Variants in SGCZ observed in about 807,000 individuals in gnomAD.
The protein encoded by SGCZ is zeta-sarcoglycan.
Under a neutral mutation model 41.3 loss-of-function variants are expected in SGCZ, and 40 were observed. That is an observed-to-expected ratio of 0.97 (90% CI 0.75 to 1.26). The LOEUF (loss-of-function observed/expected upper bound fraction) is 1.26, where lower values mean the gene tolerates loss of function less well. Ranked by LOEUF, SGCZ falls within the 50% of genes most tolerant of loss-of-function variation. The pLI is 0.00. For synonymous variants in SGCZ, 206 were observed against 137.5 expected, an observed-to-expected ratio of 1.50 and a Z score of -3.49; for missense variants, 552 against 369.8, an observed-to-expected ratio of 1.49 and a Z score of -4.04.
rs556093312 is a variant in SGCZ at position 14,357,603 on chromosome 8, A to T, written c.235-33399T>A. Among the ~76,000 whole-genome samples, 135 of 152,322 alleles carry T rather than the reference A, an allele frequency of 8.9e-4. 1 individual carries two copies. Among genetic ancestry groups the T allele is most frequent in the African/African-American group, 3.0e-3 (125 of 41,578 alleles). On this transcript the variant is annotated intron_variant, in intron 2 of 7. Transcript: ENST00000382080. Reference sequence around the variant, plus strand: ...CTCGCTACCTCCACGTAATAATAACAACTACTTAACATCAACTTTCCCTGG... The same window carrying T: ...CTCGCTACCTCCACGTAATAATAACTACTACTTAACATCAACTTTCCCTGG...
rs1415062452 is a variant in SGCZ, at chr8:14,088,108, A to C, written c.*2335T>G. ...ATCTTTTCTCCTCTTATGACATATA[A>C]TTTAAAATTTCATTTTTCTCTTTTG... On this transcript the variant is annotated 3_prime_UTR_variant, in exon 8 of 8. Coordinates refer to ENST00000382080, the MANE Select transcript of SGCZ (RefSeq NM_139167.4). 6.6e-6 allele frequency among the ~76,000 whole-genome samples: 1 copy of C among 151,570 alleles called. No individual in the cohort carries two copies. The highest frequency in any genetic ancestry group is 1.9e-4 in the East Asian group (1 of 5,152).
At chr8:14,734,981 G>A (rs1342558060) in intron 1 of SGCZ, among the ~76,000 whole-genome samples, 1 of 152,024 alleles carries the variant, frequency 6.6e-6, no homozygotes, top group African/African-American at 2.4e-5. Context: ...TCTATGTAGT[G>A]GAGTCTCAAC....
At chr8:14,331,570 C>A (rs1311418775) in intron 2 of SGCZ, among the ~76,000 whole-genome samples, 1 of 152,028 alleles carries the variant, frequency 6.6e-6, no homozygotes, top group Non-Finnish European at 1.5e-5. Context: ...ATAGTGGTAA[C>A]AATTGACAGA....
At chr8:14,237,782 T>C (rs1806822857) in intron 3 of SGCZ, 103 bp from the exon 4 acceptor site, 1 of 1,069,284 alleles carries the variant, frequency 9.4e-7, no homozygotes, top group African/African-American at 1.6e-5. Context: ...ATTTAATTTG[T>C]TTGCTCTATA....
intron 1 of SGCZ, among the ~76,000 whole-genome samples, chr8:15,005,567 GT>G (rs11324065): frequency 0.51 from 76,632 of 151,204 alleles, 19,658 homozygotes; most frequent in South Asian, 0.59. Context: ...CTGACCTCAG[GT>G]TGTTCCGCCC....
At chr8:14,821,860 G>T (rs769963602) in intron 1 of SGCZ, among the ~76,000 whole-genome samples, 1 of 151,988 alleles carries the variant, frequency 6.6e-6, no homozygotes, top group African/African-American at 2.4e-5. Flanking sequence ...CTATCATACC[G>T]AATGGGGAAA....
intron 2 of SGCZ, among the ~76,000 whole-genome samples, chr8:14,478,398 T>C (rs1330861124): frequency 1.3e-5 from 2 of 152,228 alleles, no homozygotes; most frequent in African/African-American, 4.8e-5. Context: ...AGGAATCTCA[T>C]ATACGTGTTT....
chr8:15,222,027 T>G lies in SGCZ; in HGVS notation c.39+15558A>C, dbSNP rs143298370. 4.6e-5 allele frequency among the ~76,000 whole-genome samples: 7 copies of G among 152,320 alleles called. No individual in the cohort carries two copies. In the East Asian group the frequency reaches 1.4e-3, roughly 29 times the overall value. The stretch of plus-strand genomic sequence containing the variant: ...AATTACATCATAAAATTATTTCCTC[T>G]TATTCACTTTTACTTCTCCTTCGTA... On this transcript the variant is annotated intron_variant, in intron 1 of 7. Coordinates refer to ENST00000382080, the MANE Select transcript of SGCZ (RefSeq NM_139167.4).
At chr8:14,649,816 C>G (rs1807339477) in intron 1 of SGCZ, among the ~76,000 whole-genome samples, 1 of 151,944 alleles carries the variant, frequency 6.6e-6, no homozygotes, top group South Asian at 2.1e-4. Flanking sequence ...GTACTTCCAC[C>G]CAAGGCAGGG....
intron 1 of SGCZ, among the ~76,000 whole-genome samples, chr8:14,868,352 T>A (rs1804009267): frequency 6.6e-6 from 1 of 152,142 alleles, no homozygotes; most frequent in South Asian, 2.1e-4. Context: ...TTTGCAAATC[T>A]TTCTTTAAGC....
At chr8:14,229,263 A>G (rs1806479083) in intron 4 of SGCZ, among the ~76,000 whole-genome samples, 1 of 152,114 alleles carries the variant, frequency 6.6e-6, no homozygotes, top group East Asian at 1.9e-4. Flanking sequence ...ATGATTCAGG[A>G]TGTTTAAAAA....
At chr8:14,744,569 G>C (rs1799289800) in intron 1 of SGCZ, among the ~76,000 whole-genome samples, 1 of 152,094 alleles carries the variant, frequency 6.6e-6, no homozygotes, top group Non-Finnish European at 1.5e-5. Flanking sequence ...AGGCTTGTTG[G>C]ATGGAGAAAT....
At chr8:14,965,167 T>A (rs758909257) in intron 1 of SGCZ, among the ~76,000 whole-genome samples, 1 of 152,092 alleles carries the variant, frequency 6.6e-6, no homozygotes, top group East Asian at 1.9e-4. Flanking sequence ...GCGGCCATAG[T>A]TCGCAGAACT....
chr8:14,761,544 T>A (rs1799875116), intron 1 of SGCZ, among the ~76,000 whole-genome samples: 1 of 149,876 alleles, frequency 6.7e-6, no homozygotes, highest in South Asian at 2.1e-4. Flanking sequence ...TATTTATTTT[T>A]TTTTTGAGAG....
At chr8:14,456,479 T>C (rs1198121207) in intron 2 of SGCZ, among the ~76,000 whole-genome samples, 1 of 152,048 alleles carries the variant, frequency 6.6e-6, no homozygotes, top group Non-Finnish European at 1.5e-5. Context: ...ATAATACTAA[T>C]AAAGGTATTA....
chr8:14,944,608 G>A (rs930105123), intron 1 of SGCZ, among the ~76,000 whole-genome samples: 1 of 152,138 alleles, frequency 6.6e-6, no homozygotes, highest in African/African-American at 2.4e-5. Flanking sequence ...TAGATTATAT[G>A]GGTCAGCAAG....
chr8:14,383,822 C>G (rs750298411), intron 2 of SGCZ, among the ~76,000 whole-genome samples: 53 of 152,126 alleles, frequency 3.5e-4, no homozygotes, highest in Non-Finnish European at 3.7e-4. Flanking sequence ...TGAGGACCTT[C>G]AAAACTCAGC....
Position 14,760,960 on chromosome 8 carries a change from T to G in SGCZ, c.40-206034A>C, listed in dbSNP as rs553270035. Reference sequence around the variant, plus strand: ...TTTGGGTGAATGTGGGTTCAAAGTTTTGTTAAACTGTTGGATGTCAGATGT... The same window carrying G: ...TTTGGGTGAATGTGGGTTCAAAGTTGTGTTAAACTGTTGGATGTCAGATGT... On this transcript the variant is annotated intron_variant, in intron 1 of 7. Transcript: ENST00000382080. Among the ~76,000 whole-genome samples, 25 of 152,298 alleles carry G rather than the reference T, an allele frequency of 1.6e-4. 1 individual carries two copies. The South Asian group carries it at 4.6e-3, about 28-fold the overall frequency.
At chr8:14,885,574 C>A (rs1804755857) in intron 1 of SGCZ, among the ~76,000 whole-genome samples, 9 of 152,156 alleles carry the variant, frequency 5.9e-5, no homozygotes, top group Admixed American at 5.2e-4. Context: ...GCATTATGAT[C>A]CCTTTTCACT....
Sources: gnomAD v4.1 joint callset for allele counts (sites outside exome capture counted in the v4.1 genomes callset) on GRCh38, gnomAD v4.1.1 for gene constraint, MANE v1.5 for transcripts, NCBI Gene and HGNC (gene_info 2026-07-23, HGNC 2026-07-21) for gene names.